Variants in ROPN1 observed in about 807,000 individuals in gnomAD.
The protein encoded by ROPN1 is rhophilin associated tail protein 1.
Under a neutral mutation model 20.5 loss-of-function variants are expected in ROPN1, and 14 were observed. The observed-to-expected ratio is 0.68, with a 90% confidence interval of 0.45 to 1.07. The LOEUF (loss-of-function observed/expected upper bound fraction) is 1.07, where lower values mean the gene tolerates loss of function less well. Ranked by LOEUF, ROPN1 falls within the 50% of genes least tolerant of loss-of-function variation. The probability of loss-of-function intolerance (pLI) is 0.00; values close to 1 mark genes in which losing one functional copy is unlikely to be tolerated. For synonymous variants in ROPN1, 76 were observed against 95.7 expected (o/e 0.79, Z 1.20); for missense variants, 169 against 242.8 (o/e 0.70, Z 2.02).
At chr3:123,981,596 T>G (rs1305934681) in intron 1 of ROPN1, among the ~76,000 whole-genome samples, 2 of 152,212 alleles carry the variant, frequency 1.3e-5, no homozygotes, top group South Asian at 4.1e-4. Flanking sequence ...CAAAGAAACC[T>G]GTCTCCATTG....
chr3:123,977,799 T>C (rs987383839), intron 2 of ROPN1, among the ~76,000 whole-genome samples: 2 of 152,202 alleles, frequency 1.3e-5, no homozygotes, highest in African/African-American at 4.8e-5. Context: ...TGCTCCTCAA[T>C]GTTTTGTGGA....
chr3:123,984,073 A>G (rs1429093825), intron 1 of ROPN1, among the ~76,000 whole-genome samples: 1 of 152,060 alleles, frequency 6.6e-6, no homozygotes, highest in Non-Finnish European at 1.5e-5. Context: ...CTCCTTCCAT[A>G]ATTCCTCTTC....
In ROPN1 at chr3:123,980,174, C is replaced by T. The variant is rs72968904; in HGVS notation, c.116+192G>A. On this transcript the variant is annotated intron_variant, in intron 2 of 5. Transcript: ENST00000405845. ...AATCTGGCTCCCTTAGGGGAGGCAT[C>T]CCATCCTTGCCCAGCTAGATGTAGC... 2.6e-3 allele frequency: 1,642 copies of T among 623,610 alleles called. 22 individuals are homozygous for T. The highest frequency in any genetic ancestry group is 0.022 in the African/African-American group (1,226 of 54,614). The allele number at this position is 623,610 out of a possible 1,614,324, so 38.6% of individuals were successfully genotyped here.
chr3:123,989,311 CA>C (rs1361534468), intron 1 of ROPN1, among the ~76,000 whole-genome samples: 2 of 152,142 alleles, frequency 1.3e-5, no homozygotes, highest in African/African-American at 2.4e-5. Context: ...AATGGGGAAC[CA>C]CTAGAAAATT....
chr3:123,969,160 C>G lies in ROPN1; in HGVS notation c.634G>C (p.Glu212Gln). Residue 212 changes from glutamate to glutamine, a missense_variant, in exon 6 of 6, where the codon GAG becomes CAG. Physicochemically the swap from Glu to Gln is conservative, Grantham distance 29. Transcript: ENST00000405845. ...DFTQNPRVQL[E>Q] is the part of the protein sequence containing the mutation. ...AAATTGCCAAAATTGTGCTTTTACT[C>G]CAGCTGAACCCTGGGGTTTTGGGTA... is the stretch of plus-strand genomic sequence containing the variant. 6.2e-7 allele frequency: 1 copy of G among 1,613,808 alleles called. No individual in the cohort carries two copies. The highest frequency in any genetic ancestry group is 8.5e-7 in the Non-Finnish European group (1 of 1,179,718).
chr3:123,990,142 G>A (rs1168066875), intron 1 of ROPN1, among the ~76,000 whole-genome samples: 2 of 152,210 alleles, frequency 1.3e-5, no homozygotes, highest in African/African-American at 4.8e-5. Context: ...AGGGAGCCAG[G>A]TTAGGAGAAT....
intron 1 of ROPN1, among the ~76,000 whole-genome samples, chr3:123,990,417 G>A (rs1000791034): frequency 8.5e-5 from 13 of 152,158 alleles, no homozygotes; most frequent in African/African-American, 3.1e-4. Flanking sequence ...TGGTACCCTT[G>A]TAGAAATAGA....
intron 2 of ROPN1, among the ~76,000 whole-genome samples, chr3:123,978,259 T>G: frequency 6.6e-6 from 1 of 150,878 alleles, no homozygotes. Flanking sequence ...CACAGATCAG[T>G]GTTGGGGTGG....
intron 1 of ROPN1, among the ~76,000 whole-genome samples, chr3:123,982,081 T>A (rs1266053665): frequency 1.3e-5 from 2 of 151,382 alleles, no homozygotes. Context: ...CCTGAAAAAA[T>A]GAAGACACAG....
chr3:123,969,149 G>C lies in ROPN1; in HGVS notation c.*6C>G. ...ATCTTCCTTTAAAATTGCCAAAATT[G>C]TGCTTTTACTCCAGCTGAACCCTGG... On this transcript the variant is annotated 3_prime_UTR_variant, in exon 6 of 6. Transcript: ENST00000405845. 1.9e-6 allele frequency: 3 copies of C among 1,612,410 alleles called. No homozygotes were observed. Among genetic ancestry groups the C allele is most frequent in the Non-Finnish European group, 2.5e-6 (3 of 1,178,516 alleles).
chr3:123,989,297 A>C (rs1477706175), intron 1 of ROPN1, among the ~76,000 whole-genome samples: 2 of 152,224 alleles, frequency 1.3e-5, no homozygotes, highest in Non-Finnish European at 2.9e-5. Flanking sequence ...TTTTTGTTGA[A>C]GGCAATGGGG....
At chr3:123,991,057 T>C (rs1290129749) in intron 1 of ROPN1, 3 of 152,224 alleles carry the variant, frequency 2.0e-5, no homozygotes, top group Non-Finnish European at 4.4e-5. Context: ...TGGGATGTGG[T>C]TACTCTTGTT....
chr3:123,973,142 T>C (rs2037946946), intron 4 of ROPN1, among the ~76,000 whole-genome samples: 1 of 152,150 alleles, frequency 6.6e-6, no homozygotes, highest in Non-Finnish European at 1.5e-5. Flanking sequence ...TTTCAATATA[T>C]GAATTTTGGG....
intron 1 of ROPN1, among the ~76,000 whole-genome samples, chr3:123,988,579 T>C (rs1168861669): frequency 6.6e-6 from 1 of 152,108 alleles, no homozygotes; most frequent in African/African-American, 2.4e-5. Context: ...AAGCAAAACA[T>C]AGGGCTGCTA....
chr3:123,978,117 C>T (rs1014812870), intron 2 of ROPN1, among the ~76,000 whole-genome samples: 1 of 152,164 alleles, frequency 6.6e-6, no homozygotes, highest in Non-Finnish European at 1.5e-5. Flanking sequence ...ATGGGCTAAC[C>T]ATTGCCTGTC....
At chr3:123,978,512 A>G (rs1280329018) in intron 2 of ROPN1, among the ~76,000 whole-genome samples, 2 of 152,224 alleles carry the variant, frequency 1.3e-5, no homozygotes, top group African/African-American at 4.8e-5. Flanking sequence ...TTCATTTGCA[A>G]GTGATCAGGT....
At chr3:123,985,192 T>G (rs6770339) in intron 1 of ROPN1, among the ~76,000 whole-genome samples, 18,399 of 152,230 alleles carry the variant, frequency 0.12, 2,647 homozygotes, top group East Asian at 0.35. Flanking sequence ...CCAGATTTCA[T>G]TACCTATTGT....
intron 1 of ROPN1, among the ~76,000 whole-genome samples, chr3:123,990,493 G>A (rs1436592657): frequency 6.6e-6 from 1 of 152,192 alleles, no homozygotes; most frequent in East Asian, 1.9e-4. Context: ...GGAGTTCCAT[G>A]CACTTTTGAA....
At chr3:123,987,776 T>C (rs2149003663) in intron 1 of ROPN1, among the ~76,000 whole-genome samples, 1 of 152,352 alleles carries the variant, frequency 6.6e-6, no homozygotes, top group East Asian at 1.9e-4. Flanking sequence ...AGTTTTTGGC[T>C]TTATTAGCAA....
Sources: allele counts gnomAD v4.1 joint callset (sites outside exome capture counted in the v4.1 genomes callset), GRCh38; gene constraint gnomAD v4.1.1; transcripts MANE v1.5; gene names NCBI Gene and HGNC (gene_info 2026-07-23, HGNC 2026-07-21).